TBX15: variants seen among roughly 807,000 people sequenced by gnomAD.
TBX15 encodes T-box transcription factor 15.
A neutral mutation model predicts 53.9 loss-of-function variants in TBX15; 18 were observed. That is an observed-to-expected ratio of 0.33 (90% CI 0.23 to 0.49). The LOEUF is 0.49. Among genes scored for constraint, TBX15 ranks in the 20% least tolerant of loss-of-function variants. TBX15 has a pLI of 0.98. For synonymous variants in TBX15, 295 were observed against 278.0 expected (o/e 1.06, Z -0.61); for missense variants, 692 against 749.5 (o/e 0.92, Z 0.90).
Position 118,987,522 on chromosome 1 carries a change from G to A in TBX15, c.205+69C>T, listed in dbSNP as rs575134948. The A allele has an allele frequency of 1.6e-4, 246 of 1,493,224 alleles. 2 individuals carry two copies. Among genetic ancestry groups the A allele is most frequent in the Admixed American group, 5.7e-4 (26 of 45,750 alleles). 92.5% of individuals were successfully genotyped at this position (1,493,224 alleles called of 1,614,324 possible). A position where few individuals can be genotyped will look rare whatever the true frequency, so the allele number is the denominator to read the frequency against. On this transcript the variant is annotated intron_variant, in intron 1 of 7. Coordinates refer to ENST00000369429, the MANE Select transcript of TBX15 (RefSeq NM_001330677.2). ...AATGGCAGGGCCTAGCTCCTCACCCGCGACCGGCGACTGGCCCTTCGGCGT... is the reference window on the plus strand; with the variant it reads ...AATGGCAGGGCCTAGCTCCTCACCCACGACCGGCGACTGGCCCTTCGGCGT...
At chr1:118,968,762 C>T (rs1290141500) in intron 1 of TBX15, among the ~76,000 whole-genome samples, 2 of 152,142 alleles carry the variant, frequency 1.3e-5, no homozygotes, top group Non-Finnish European at 2.9e-5. Flanking sequence ...CTAAAGAGAA[C>T]CATATGATGT....
At chr1:118,914,018 G>A (rs914732125) in intron 6 of TBX15, 97 bp downstream of exon 6, 2 of 1,195,330 alleles carry the variant, frequency 1.7e-6, no homozygotes, top group African/African-American at 1.5e-5. Flanking sequence ...GGAGCATACA[G>A]GTGTTTTCTA....
chr1:118,922,176 C>A (rs1174281653), intron 5 of TBX15, among the ~76,000 whole-genome samples: 1 of 152,150 alleles, frequency 6.6e-6, no homozygotes, highest in East Asian at 1.9e-4. Flanking sequence ...TCATCTTGAT[C>A]CCAAAATGGG....
At chr1:118,970,276 T>G (rs1657187865) in intron 1 of TBX15, among the ~76,000 whole-genome samples, 2 of 152,204 alleles carry the variant, frequency 1.3e-5, no homozygotes. Flanking sequence ...CCTCCACACC[T>G]GTCTCCACTT....
intron 1 of TBX15, among the ~76,000 whole-genome samples, chr1:118,932,462 G>GA (rs966218576): frequency 6.6e-6 from 1 of 151,894 alleles, no homozygotes; most frequent in African/African-American, 2.4e-5. Flanking sequence ...TTTTGGATGG[G>GA]AAAAAAACCT....
chr1:118,959,215 C>T lies in TBX15; in HGVS notation c.206-27383G>A, dbSNP rs149763758. On this transcript the variant is annotated intron_variant, in intron 1 of 7. Coordinates refer to ENST00000369429, the MANE Select transcript of TBX15 (RefSeq NM_001330677.2). ...ACTGTGCTAGATACCTCCCACATTA[C>T]CTCAGTGAATCCTCCCAACTATGAA... Among the ~76,000 whole-genome samples the T allele has an allele frequency of 8.1e-4, 123 of 152,296 alleles. 1 individual carries two copies. In the South Asian group the frequency reaches 9.9e-3, roughly 12 times the overall value.
intron 1 of TBX15, among the ~76,000 whole-genome samples, chr1:118,982,421 T>A (rs992287894): frequency 1.3e-5 from 2 of 152,250 alleles, no homozygotes; most frequent in Non-Finnish European, 2.9e-5. Flanking sequence ...TAGCATTGCA[T>A]GCCCTAAGAG....
chr1:118,981,340 A>ACACACACAC (rs60152755), intron 1 of TBX15, among the ~76,000 whole-genome samples: 2 of 149,150 alleles, frequency 1.3e-5, no homozygotes, highest in South Asian at 2.1e-4. Flanking sequence ...ACACACACAC[A>ACACACACAC]ATGGCAGTTT....
intron 7 of TBX15, among the ~76,000 whole-genome samples, chr1:118,895,680 C>G (rs1362849340): frequency 6.6e-6 from 1 of 152,154 alleles, no homozygotes; most frequent in African/African-American, 2.4e-5. Context: ...CCTCCAGCCT[C>G]TCTGGACTCT....
intron 1 of TBX15, among the ~76,000 whole-genome samples, chr1:118,941,590 A>C (rs1197667986): frequency 6.6e-6 from 1 of 152,210 alleles, no homozygotes; most frequent in African/African-American, 2.4e-5. Flanking sequence ...CCAGTAATCA[A>C]AATTCATCCA....
At chr1:118,956,717 C>A (rs1232167878) in intron 1 of TBX15, among the ~76,000 whole-genome samples, 1 of 151,904 alleles carries the variant, frequency 6.6e-6, no homozygotes, top group Non-Finnish European at 1.5e-5. Flanking sequence ...CTTTGGGAGG[C>A]CGAAGTGGGA....
intron 6 of TBX15, among the ~76,000 whole-genome samples, chr1:118,908,493 C>G (rs991695834): frequency 6.6e-6 from 1 of 152,152 alleles, no homozygotes; most frequent in Admixed American, 6.5e-5. Flanking sequence ...GGATATTGTG[C>G]CTGACAGCTA....
intron 7 of TBX15, among the ~76,000 whole-genome samples, chr1:118,887,711 T>A (rs956053152): frequency 6.8e-6 from 1 of 146,978 alleles, no homozygotes; most frequent in Non-Finnish European, 1.5e-5. Context: ...GACACTGGAA[T>A]ACAAAGAAAC....
chr1:118,890,939 T>C (rs1307064732), intron 7 of TBX15: 1 of 1,304,080 alleles, frequency 7.7e-7, no homozygotes, highest in Non-Finnish European at 1.0e-6. Flanking sequence ...TGATTCACTG[T>C]GTATCCTTGA....
In TBX15 at chr1:118,935,844, T is replaced by C. The variant is rs187913762; in HGVS notation, c.206-4012A>G. On this transcript the variant is annotated intron_variant, in intron 1 of 7. Coordinates refer to ENST00000369429, the MANE Select transcript of TBX15 (RefSeq NM_001330677.2). ...ATGTTTTACACATTACCTAATATTG[T>C]CTTCCCATTGATAAGATAGACATAG... is the stretch of plus-strand genomic sequence containing the variant. Among the ~76,000 whole-genome samples the C allele has an allele frequency of 1.8e-3, 275 of 152,322 alleles. 2 individuals are homozygous for C. The highest frequency in any genetic ancestry group is 2.5e-3 in the Non-Finnish European group (169 of 68,034).
intron 5 of TBX15, among the ~76,000 whole-genome samples, chr1:118,920,408 C>T (rs777604374): frequency 1.3e-5 from 2 of 151,942 alleles, no homozygotes; most frequent in African/African-American, 2.4e-5. Flanking sequence ...AAGGGCATTC[C>T]TGGAAAAGAA....
At chr1:118,899,866 A>G (rs1407124648) in intron 6 of TBX15, among the ~76,000 whole-genome samples, 1 of 152,222 alleles carries the variant, frequency 6.6e-6, no homozygotes, top group Non-Finnish European at 1.5e-5. Flanking sequence ...TTTTACGAGT[A>G]CATTCCTTTA....
At chr1:118,890,564 T>C (rs1015113188) in intron 7 of TBX15, among the ~76,000 whole-genome samples, 4 of 152,150 alleles carry the variant, frequency 2.6e-5, no homozygotes, top group African/African-American at 9.7e-5. Context: ...TATCCAAGGC[T>C]AATGGCCAAA....
intron 1 of TBX15, among the ~76,000 whole-genome samples, chr1:118,960,242 G>C (rs1656823883): frequency 6.6e-6 from 1 of 152,088 alleles, no homozygotes; most frequent in African/African-American, 2.4e-5. Flanking sequence ...TTCCAACTAA[G>C]TACATCCGCT....
Sources: gnomAD v4.1 joint callset for allele counts (sites outside exome capture counted in the v4.1 genomes callset) on GRCh38, gnomAD v4.1.1 for gene constraint, MANE v1.5 for transcripts, NCBI Gene and HGNC (gene_info 2026-07-23, HGNC 2026-07-21) for gene names.